The following CNR1 variants were observed in gnomAD, a reference collection of about 807,000 sequenced individuals.
CNR1 encodes cannabinoid receptor 1, also known as cannabinoid receptor 1 (brain).
Under a neutral mutation model 23.0 loss-of-function variants are expected in CNR1, and 10 were observed. The observed-to-expected ratio is 0.43, with a 90% CI of 0.27 to 0.74. The LOEUF is 0.74. CNR1 is among the 30% of genes least tolerant of loss of function. CNR1 has a pLI of 0.19. For synonymous variants in CNR1, 271 were observed against 255.2 expected (o/e 1.06, Z -0.59); for missense variants, 422 against 618.8 (o/e 0.68, Z 3.37).
intron 1 of CNR1, among the ~76,000 whole-genome samples, chr6:88,158,909 G>A (rs1777942153): frequency 6.6e-6 from 1 of 152,168 alleles, no homozygotes; most frequent in Admixed American, 6.5e-5. Context: ...CAGAAAATAA[G>A]AATAAAGAGT....
chr6:88,153,436 A>G (rs1401059810), intron 1 of CNR1, among the ~76,000 whole-genome samples: 3 of 152,206 alleles, frequency 2.0e-5, no homozygotes, highest in Non-Finnish European at 4.4e-5. Flanking sequence ...GCTTTAACCC[A>G]TCATACTCCT....
intron 1 of CNR1, among the ~76,000 whole-genome samples, chr6:88,150,477 A>G (rs1777461075): frequency 6.6e-6 from 1 of 152,212 alleles, no homozygotes; most frequent in Non-Finnish European, 1.5e-5. Context: ...ACATTATTAT[A>G]CATACCTTTC....
In CNR1 at chr6:88,166,077, G is replaced by A. The variant is rs149417664; in HGVS notation, c.-338C>T. 973 of 152,524 alleles carry A rather than the reference G, an allele frequency of 6.4e-3. 6 individuals are homozygous for A. Among genetic ancestry groups the A allele is most frequent in the Non-Finnish European group, 9.8e-3 (669 of 68,224 alleles). The allele number at this position is 152,524 out of a possible 1,614,324, so 9.4% of individuals were successfully genotyped here. A position where few individuals can be genotyped will look rare whatever the true frequency, so the allele number is the denominator to read the frequency against. ...GCTGCTGGCGAGGCGGGGTGGGGTG[G>A]AGTGGGGTGTGCCTCCGGCGGGCGG... On this transcript the variant is annotated 5_prime_UTR_variant, in exon 1 of 2. Transcript: ENST00000369501.
At chr6:88,153,015 G>A (rs1367084336) in intron 1 of CNR1, among the ~76,000 whole-genome samples, 2 of 152,120 alleles carry the variant, frequency 1.3e-5, no homozygotes, top group Non-Finnish European at 2.9e-5. Context: ...AATTTTCCTA[G>A]AATTCTGCTT....
At chr6:88,165,361 C>T (rs1778315538) in intron 1 of CNR1, among the ~76,000 whole-genome samples, 1 of 152,140 alleles carries the variant, frequency 6.6e-6, no homozygotes, top group South Asian at 2.1e-4. Context: ...GTTCCTGTAG[C>T]TTTTTATCAA....
chr6:88,145,379 G>A, intron 1 of CNR1, 42 bp from the exon 2 acceptor site: 1 of 919,216 alleles, frequency 1.1e-6, no homozygotes, highest in Non-Finnish European at 1.7e-6. Flanking sequence ...GTGAGAAACA[G>A]GAAGAATAAA....
intron 1 of CNR1, among the ~76,000 whole-genome samples, chr6:88,149,610 C>T (rs867824398): frequency 6.6e-6 from 1 of 152,102 alleles, no homozygotes; most frequent in Non-Finnish European, 1.5e-5. Flanking sequence ...GGCTTACTGG[C>T]CCTGAGTGAC....
intron 1 of CNR1, among the ~76,000 whole-genome samples, chr6:88,152,657 T>C (rs1371412662): frequency 5.9e-5 from 9 of 152,218 alleles, no homozygotes; most frequent in Middle Eastern, 3.2e-3. Flanking sequence ...AGTTCAAAGA[T>C]CTCAGTAATG....
chr6:88,160,611 T>G (rs569099881), intron 1 of CNR1, among the ~76,000 whole-genome samples: 1 of 152,112 alleles, frequency 6.6e-6, no homozygotes, highest in Non-Finnish European at 1.5e-5. Context: ...ATTTTTGTGT[T>G]TTTAGTAGAG....
intron 1 of CNR1, among the ~76,000 whole-genome samples, chr6:88,146,313 T>G (rs896080496): frequency 2.6e-5 from 4 of 152,094 alleles, no homozygotes; most frequent in African/African-American, 9.7e-5. Context: ...ACCATATTGG[T>G]CGGGCTGGTC....
At chr6:88,155,921 G>A (rs1217801084) in intron 1 of CNR1, among the ~76,000 whole-genome samples, 12 of 152,206 alleles carry the variant, frequency 7.9e-5, no homozygotes, top group Non-Finnish European at 5.9e-5. Flanking sequence ...CAACACCAGT[G>A]AGACACGAAT....
At chr6:88,151,223 A>G (rs1450237029) in intron 1 of CNR1, among the ~76,000 whole-genome samples, 1 of 152,202 alleles carries the variant, frequency 6.6e-6, no homozygotes, top group Admixed American at 6.5e-5. Flanking sequence ...CCCAGATGAG[A>G]GCCACATTTC....
chr6:88,144,495 C>T lies in CNR1; in HGVS notation c.780G>A (p.Leu260=), dbSNP rs775665582. ...GGAAAATGTCTGAGCAAACAGATTGCAGTTTCTCGCAGTTCCAGCCCAGGA... is the reference window on the plus strand; with the variant it reads ...GGAAAATGTCTGAGCAAACAGATTGTAGTTTCTCGCAGTTCCAGCCCAGGA... The part of the protein sequence containing the change: ...LPLLGWNCEK[L]QSVCSDIFPH... Residue 260 remains leucine (L), a synonymous_variant, in exon 2 of 2, where the codon CTG becomes CTA. Coordinates refer to ENST00000369501, the MANE Select transcript of CNR1 (RefSeq NM_016083.6). The surrounding 1 kb of genome is among the most constrained non-coding windows in gnomAD (Gnocchi z 7.8). The T allele has an allele frequency of 6.2e-7, 1 of 1,614,200 alleles. No homozygotes were observed. Among genetic ancestry groups the T allele is most frequent in the Non-Finnish European group, 8.5e-7 (1 of 1,180,052 alleles).
chr6:88,163,395 C>G (rs534237379), intron 1 of CNR1, among the ~76,000 whole-genome samples: 1 of 152,178 alleles, frequency 6.6e-6, no homozygotes, highest in Non-Finnish European at 1.5e-5. Flanking sequence ...ATTTGGTAAG[C>G]GTGGTGAACT....
Position 88,143,286 on chromosome 6 carries a change from A to G in CNR1, c.*570T>C, listed in dbSNP as rs1476141161. 2 of 152,832 alleles carry G rather than the reference A, an allele frequency of 1.3e-5. No homozygotes were observed. The highest frequency in any genetic ancestry group is 4.8e-5 in the African/African-American group (2 of 41,462). The allele number at this position is 152,832 out of a possible 1,614,324, so 9.5% of individuals were successfully genotyped here. A position where few individuals can be genotyped will look rare whatever the true frequency, so the allele number is the denominator to read the frequency against. On this transcript the variant is annotated 3_prime_UTR_variant, in exon 2 of 2. Transcript: ENST00000369501. The stretch of plus-strand genomic sequence containing the variant: ...TATTTCTAAAGTTATATCATGGGCA[A>G]TAATATAGAAAAAAAGTGCACACAT...
At position 88,144,584 on chromosome 6, in the gene CNR1, G is replaced by T. The variant is rs772388346; in HGVS notation, c.691C>A (p.Pro231Thr). ...PLAYKRIVTR[P>T]KAVVAFCLMW... The stretch of plus-strand genomic sequence containing the variant: ...AGGCAAAACGCCACCACGGCCTTGG[G>T]CCTGGTGACAATCCTCTTATAGGCC... The change falls in exon 2 of 2, where the codon CCC (proline) becomes ACC (threonine). Residue 231 changes from proline to threonine, a missense_variant. By Grantham distance (38) the Pro-to-Thr change is conservative. Around this residue, in one of 4 missense-constraint regions of CNR1, gnomAD observed 211 missense variants for 357.3 expected, o/e 0.59. Coordinates refer to ENST00000369501, the MANE Select transcript of CNR1 (RefSeq NM_016083.6). This position sits in a 1 kb window ranked among gnomAD's most constrained non-coding sequence, Gnocchi z 7.8. The T allele has an allele frequency of 6.2e-7, 1 of 1,614,214 alleles. No individual in the cohort carries two copies. The highest frequency in any genetic ancestry group is 2.2e-5 in the East Asian group (1 of 44,890).
intron 1 of CNR1, chr6:88,163,104 T>C (rs1778190287): frequency 6.6e-6 from 1 of 152,214 alleles, no homozygotes; most frequent in Non-Finnish European, 1.5e-5. Flanking sequence ...TTGCTTTAAT[T>C]AGCATTTAAT....
At chr6:88,164,424 G>A (rs1778262213) in intron 1 of CNR1, 1 of 152,378 alleles carries the variant, frequency 6.6e-6, no homozygotes, top group Admixed American at 6.5e-5. Context: ...CTACAAATAA[G>A]TGCCTGTAGT....
intron 1 of CNR1, among the ~76,000 whole-genome samples, chr6:88,155,968 T>C (rs1777772399): frequency 6.6e-6 from 1 of 152,200 alleles, no homozygotes; most frequent in African/African-American, 2.4e-5. Context: ...GACATGTTTA[T>C]TAGTAAATGA....
Sources: gnomAD v4.1 joint callset for allele counts (sites outside exome capture counted in the v4.1 genomes callset) on GRCh38, gnomAD v4.1.1 for gene constraint, gnomAD v4.1.1 regional missense constraint, Gnocchi (gnomAD v3.1) non-coding constraint, MANE v1.5 for transcripts, NCBI Gene and HGNC (gene_info 2026-07-23, HGNC 2026-07-21) for gene names.